Variants in GALNT13 observed in about 807,000 individuals in gnomAD.
GALNT13 encodes the protein UDP-GalNAc:polypeptide N-acetylgalactosaminyltransferase 13.
GALNT13 carries 28 observed loss-of-function variants against 64.2 expected under a neutral mutation model. The observed-to-expected ratio is 0.44, with a 90% CI of 0.32 to 0.60. The LOEUF (loss-of-function observed/expected upper bound fraction) is 0.60. GALNT13 is among the 20% of genes least tolerant of loss of function. The pLI is 0.05. For synonymous variants in GALNT13, 214 were observed against 224.6 expected (o/e 0.95, Z 0.42); for missense variants, 577 against 669.8 (o/e 0.86, Z 1.53).
chr2:153,729,867 T>A, the GALNT13 span, among the ~76,000 whole-genome samples: 1 of 151,906 alleles, frequency 6.6e-6, no homozygotes, highest in Non-Finnish European at 1.5e-5. Context: ...AGAACCCATT[T>A]ACAATAGCTA....
chr2:153,256,749 CCA>C, the GALNT13 span, among the ~76,000 whole-genome samples: 1 of 152,152 alleles, frequency 6.6e-6, no homozygotes, highest in African/African-American at 2.4e-5. Context: ...GGGGTGCCTC[CCA>C]GTTAGGCTGC....
At chr2:153,599,216 ATTAT>A in the GALNT13 span, among the ~76,000 whole-genome samples, 1 of 152,076 alleles carries the variant, frequency 6.6e-6, no homozygotes, top group Non-Finnish European at 1.5e-5. Context: ...TCTTAAATTA[ATTAT>A]TTATCTCTTT....
the GALNT13 span, among the ~76,000 whole-genome samples, chr2:153,719,352 T>C: frequency 6.6e-6 from 1 of 152,216 alleles, no homozygotes; most frequent in East Asian, 1.9e-4. Context: ...GAGGGCTACA[T>C]TGACACTGAC....
intron 10 of GALNT13, among the ~76,000 whole-genome samples, chr2:154,401,312 T>C (rs1435573968): frequency 6.6e-6 from 1 of 152,184 alleles, no homozygotes; most frequent in East Asian, 1.9e-4. Context: ...ACCCTTTCTG[T>C]TGGTAATCAG....
intron 8 of GALNT13, among the ~76,000 whole-genome samples, chr2:154,282,290 T>C (rs1380330698): frequency 2.0e-5 from 3 of 152,218 alleles, no homozygotes; most frequent in Admixed American, 2.0e-4. Context: ...AACACATTTA[T>C]TGCCTCATAA....
chr2:153,570,394 G>T, the GALNT13 span, among the ~76,000 whole-genome samples: 2 of 151,906 alleles, frequency 1.3e-5, no homozygotes, highest in Non-Finnish European at 2.9e-5. Flanking sequence ...CCATTCTGTG[G>T]GTTTATTTAA....
At chr2:154,456,112 G>C (rs1292606992), downstream of GALNT13, among the ~76,000 whole-genome samples, 1 of 151,188 alleles carries the variant, frequency 6.6e-6, no homozygotes, top group African/African-American at 2.4e-5. Flanking sequence ...TAGCACAAGG[G>C]GGAAAAAAGA....
intron 3 of GALNT13, among the ~76,000 whole-genome samples, chr2:154,073,401 CTA>C (rs1700837243): frequency 6.6e-6 from 1 of 151,940 alleles, no homozygotes; most frequent in African/African-American, 2.4e-5. Context: ...AAACAAGTAA[CTA>C]TTTATTGCCA....
chr2:154,246,135 A>G (rs918805619), intron 7 of GALNT13, among the ~76,000 whole-genome samples, 153 bp downstream of exon 7: 1 of 152,174 alleles, frequency 6.6e-6, no homozygotes, highest in African/African-American at 2.4e-5. Context: ...ATAAGGATCA[A>G]TGACAATATT....
intron 3 of GALNT13, among the ~76,000 whole-genome samples, chr2:154,045,776 G>A (rs976426522): frequency 1.3e-5 from 2 of 152,156 alleles, no homozygotes; most frequent in African/African-American, 4.8e-5. Context: ...CTCACCAAAC[G>A]AAGCAATAAC....
At chr2:153,524,787 G>T in the GALNT13 span, among the ~76,000 whole-genome samples, 1 of 152,124 alleles carries the variant, frequency 6.6e-6, no homozygotes, top group African/African-American at 2.4e-5. Context: ...GGAGCTCTGG[G>T]GCTCTAAATA....
intron 11 of GALNT13, among the ~76,000 whole-genome samples, chr2:154,416,103 T>C (rs1220459408): frequency 6.6e-6 from 1 of 152,152 alleles, no homozygotes; most frequent in African/African-American, 2.4e-5. Flanking sequence ...GGAGAACTTC[T>C]CTGGTCTTTG....
chr2:153,214,098 C>A, the GALNT13 span, among the ~76,000 whole-genome samples: 1 of 152,004 alleles, frequency 6.6e-6, no homozygotes, highest in Non-Finnish European at 1.5e-5. Flanking sequence ...TATTATTCAG[C>A]AAAAGTTGAA....
intron 3 of GALNT13, among the ~76,000 whole-genome samples, chr2:153,974,386 T>C (rs558221525): frequency 2.0e-4 from 30 of 152,268 alleles, no homozygotes; most frequent in African/African-American, 6.7e-4. Flanking sequence ...TAAATTCATT[T>C]GCTATTGTGA....
chr2:154,410,474 C>T (rs192072412), intron 11 of GALNT13, among the ~76,000 whole-genome samples: 70 of 152,034 alleles, frequency 4.6e-4, no homozygotes, highest in Non-Finnish European at 5.5e-4. Context: ...ATCATATCCA[C>T]ATTCAAGGCA....
At chr2:153,544,424 A>C in the GALNT13 span, among the ~76,000 whole-genome samples, 44 of 152,294 alleles carry the variant, frequency 2.9e-4, no homozygotes, top group African/African-American at 1.0e-3. Flanking sequence ...TCATAATACA[A>C]GCATTGCATG....
chr2:153,256,305 T>C, the GALNT13 span, among the ~76,000 whole-genome samples: 2 of 152,166 alleles, frequency 1.3e-5, no homozygotes, highest in African/African-American at 4.8e-5. Flanking sequence ...CGAGCCTTGG[T>C]TTTCAGCTCC....
chr2:153,309,222 CCTCTT>C, the GALNT13 span, among the ~76,000 whole-genome samples: 1 of 152,146 alleles, frequency 6.6e-6, no homozygotes, highest in East Asian at 1.9e-4. Flanking sequence ...AAAACCAAAA[CCTCTT>C]CTGCTTCTAA....
intron 9 of GALNT13, among the ~76,000 whole-genome samples, chr2:154,346,169 G>GATAT (rs370337134): frequency 2.0e-5 from 3 of 151,344 alleles, no homozygotes; most frequent in African/African-American, 7.3e-5. Context: ...AAAGGGAAAT[G>GATAT]ATATATATAT....
Sources: allele counts gnomAD v4.1 joint callset (sites outside exome capture counted in the v4.1 genomes callset), GRCh38; gene constraint gnomAD v4.1.1; transcripts MANE v1.5; gene names NCBI Gene and HGNC (gene_info 2026-07-23, HGNC 2026-07-21).